KIF26B: variants seen among roughly 807,000 people sequenced by gnomAD.
The protein encoded by KIF26B is kinesin family member 26B.
In KIF26B, 63 loss-of-function variants were observed where a neutral mutation model predicts 151.2. That is an observed-to-expected ratio of 0.42 (90% confidence interval 0.34 to 0.51). The LOEUF is 0.51. Ranked by LOEUF, KIF26B falls within the 20% of genes least tolerant of loss-of-function variation. KIF26B has a pLI of 0.07. For synonymous variants in KIF26B, 1,357 were observed against 1,262.1 expected, an observed-to-expected ratio of 1.08 and a Z score of -1.59; for missense variants, 2,813 against 2,913.6, an observed-to-expected ratio of 0.97 and a Z score of 0.79.
At position 245,602,849 on chromosome 1, in the gene KIF26B, A is replaced by G; in HGVS notation, c.1557+66A>G. ...AAAGGGCAACGTTTACTCATTCACAAGGGCCCTTGAGCTGGGAGGGTGTCT... is the reference window on the plus strand; with the variant it reads ...AAAGGGCAACGTTTACTCATTCACAGGGGCCCTTGAGCTGGGAGGGTGTCT... On this transcript the variant is annotated intron_variant, in intron 6 of 14. Coordinates refer to ENST00000407071, the MANE Select transcript of KIF26B (RefSeq NM_018012.4). This position sits in a 1 kb window ranked among gnomAD's most constrained non-coding sequence, Gnocchi z 4.5. The G allele has an allele frequency of 6.9e-7, 1 of 1,456,284 alleles. No individual in the cohort carries two copies. Among genetic ancestry groups the G allele is most frequent in the Non-Finnish European group, 9.6e-7 (1 of 1,038,978 alleles). 90.2% of individuals were successfully genotyped at this position (1,456,284 alleles called of 1,614,324 possible). A position where few individuals can be genotyped will look rare whatever the true frequency, so the allele number is the denominator to read the frequency against.
At chr1:245,200,056 A>T (rs527404213) in intron 2 of KIF26B, among the ~76,000 whole-genome samples, 5 of 152,324 alleles carry the variant, frequency 3.3e-5, no homozygotes, top group Non-Finnish European at 7.4e-5. Context: ...ATGGGATTTT[A>T]AAAAATTCAC....
In KIF26B at chr1:245,167,668, A is replaced by G. The variant is rs1668636082; in HGVS notation, c.465+10985A>G. On this transcript the variant is annotated intron_variant, in intron 2 of 14. Transcript: ENST00000407071. The surrounding 1 kb of genome is among the most constrained non-coding windows in gnomAD (Gnocchi z 4.2). ...ACTGGAAGCAGCCACCATTGTTTAA[A>G]AAAAAAAATCACCTGCCCAGTTCAG... Among the ~76,000 whole-genome samples, 2 of 152,168 alleles carry G rather than the reference A, an allele frequency of 1.3e-5. No individual in the cohort carries two copies. Among genetic ancestry groups the G allele is most frequent in the Admixed American group, 6.5e-5 (1 of 15,270 alleles).
At chr1:245,571,728 G>A (rs1031566844) in intron 5 of KIF26B, among the ~76,000 whole-genome samples, 1 of 152,136 alleles carries the variant, frequency 6.6e-6, no homozygotes, top group African/African-American at 2.4e-5. Context: ...CAAAGGTTTG[G>A]GTTTGGTCAG....
intron 2 of KIF26B, among the ~76,000 whole-genome samples, chr1:245,248,440 T>G (rs1670376885): frequency 6.6e-6 from 1 of 152,202 alleles, no homozygotes. Flanking sequence ...ATTTCCTGTA[T>G]GAAGATACAC....
At chr1:245,188,916 C>A (rs926913549) in intron 2 of KIF26B, among the ~76,000 whole-genome samples, 1 of 152,150 alleles carries the variant, frequency 6.6e-6, no homozygotes, top group Non-Finnish European at 1.5e-5. Flanking sequence ...CATGGATGAA[C>A]CTTGGAGACA....
In KIF26B at chr1:245,616,781, G is replaced by A. The variant is rs545800221; in HGVS notation, c.2098+4805G>A. ...ATTTTTTGGGTTAGGGATGCTCAGCGTGGACTAGTGATACTTCAGGGTAAT... is the reference window on the plus strand; with the variant it reads ...ATTTTTTGGGTTAGGGATGCTCAGCATGGACTAGTGATACTTCAGGGTAAT... On this transcript the variant is annotated intron_variant, in intron 9 of 14. Coordinates refer to ENST00000407071, the MANE Select transcript of KIF26B (RefSeq NM_018012.4). Among the ~76,000 whole-genome samples the A allele has an allele frequency of 2.0e-5, 3 of 152,276 alleles. No homozygotes were observed. The South Asian group carries it at 6.2e-4, about 32-fold the overall frequency.
chr1:245,647,269 C>CA (rs1430475090), intron 10 of KIF26B, among the ~76,000 whole-genome samples: 3 of 151,438 alleles, frequency 2.0e-5, no homozygotes, highest in East Asian at 1.9e-4. Flanking sequence ...ACTAAAAATA[C>CA]AAAAAATTAG....
chr1:245,582,117 C>T (rs1357162432), intron 5 of KIF26B, among the ~76,000 whole-genome samples: 1 of 152,174 alleles, frequency 6.6e-6, no homozygotes, highest in Non-Finnish European at 1.5e-5. Context: ...TTGGAAGTCC[C>T]ATCCGTCAGA....
intron 3 of KIF26B, among the ~76,000 whole-genome samples, chr1:245,393,039 C>G (rs1673738816): frequency 6.6e-6 from 1 of 152,054 alleles, no homozygotes; most frequent in African/African-American, 2.4e-5. Flanking sequence ...GGCGTGATGG[C>G]AGATGCCTGT....
chr1:245,381,119 G>A (rs949515592), intron 3 of KIF26B, among the ~76,000 whole-genome samples: 8 of 152,046 alleles, frequency 5.3e-5, no homozygotes, highest in African/African-American at 1.9e-4. Flanking sequence ...TGTCAGTAGC[G>A]TGGTCTTTAA....
Position 245,686,922 on chromosome 1 carries a change from T to C in KIF26B, c.3939T>C (p.Pro1313=). The C allele has an allele frequency of 6.2e-7, 1 of 1,613,232 alleles. No homozygotes were observed. The highest frequency in any genetic ancestry group is 8.5e-7 in the Non-Finnish European group (1 of 1,179,712). The change falls in exon 12 of 15, where the codon CCT becomes CCC. Residue 1313 remains proline (P), a synonymous_variant. Coordinates refer to ENST00000407071, the MANE Select transcript of KIF26B (RefSeq NM_018012.4). The surrounding 1 kb of genome is among the most constrained non-coding windows in gnomAD (Gnocchi z 5.6). ...GGCACGGGGAGGCAATGGCAGAACC[T>C]GTGGCCTCGGAGTTTGTCAGCAGCC... ...CFGHGEAMAE[P]VASEFVSSLQ... is the part of the protein sequence containing the mutation.
At chr1:245,489,348 A>T (rs1172785808) in intron 4 of KIF26B, among the ~76,000 whole-genome samples, 1 of 152,226 alleles carries the variant, frequency 6.6e-6, no homozygotes. Flanking sequence ...TTCTGATGCT[A>T]ATGTAGGAAC....
At chr1:245,178,650 T>C (rs2103526213) in intron 2 of KIF26B, among the ~76,000 whole-genome samples, 1 of 152,358 alleles carries the variant, frequency 6.6e-6, no homozygotes, top group Non-Finnish European at 1.5e-5. Context: ...TAATAATCAC[T>C]TTGGTGCTGT....
chr1:245,582,274 C>T (rs187176187), intron 5 of KIF26B, among the ~76,000 whole-genome samples: 9 of 152,306 alleles, frequency 5.9e-5, no homozygotes, highest in African/African-American at 1.9e-4. Context: ...ATAAACCACA[C>T]AGTAAAGATC....
chr1:245,407,806 A>T (rs963145596), intron 3 of KIF26B, among the ~76,000 whole-genome samples: 1 of 152,208 alleles, frequency 6.6e-6, no homozygotes. Context: ...AGGAGAACAG[A>T]CACAGTCCCT....
chr1:245,330,801 G>GGGGGGAGAGTT (rs1672092223), intron 2 of KIF26B, among the ~76,000 whole-genome samples: 2 of 81,212 alleles, frequency 2.5e-5, no homozygotes, highest in African/African-American at 8.7e-5. Context: ...GCGGGGTAAT[G>GGGGGGAGAGTT]GGGGGAGAGT....
chr1:245,575,485 T>C (rs79373706), intron 5 of KIF26B, among the ~76,000 whole-genome samples: 2 of 149,538 alleles, frequency 1.3e-5, no homozygotes, highest in Middle Eastern at 6.8e-3. Flanking sequence ...AAAAAAAAAA[T>C]GTAGAAAAAT....
chr1:245,314,278 T>A (rs1162691690), intron 2 of KIF26B, among the ~76,000 whole-genome samples: 1 of 151,818 alleles, frequency 6.6e-6, no homozygotes, highest in Non-Finnish European at 1.5e-5. Flanking sequence ...TGAAACCCCA[T>A]CTCTACTAAA....
At chr1:245,644,215 T>G (rs953019468) in intron 9 of KIF26B, among the ~76,000 whole-genome samples, 1 of 152,198 alleles carries the variant, frequency 6.6e-6, no homozygotes, top group Non-Finnish European at 1.5e-5. Flanking sequence ...CTGAATAGTT[T>G]TATTGCTAGA....
Sources: allele counts gnomAD v4.1 joint callset (sites outside exome capture counted in the v4.1 genomes callset), GRCh38; gene constraint gnomAD v4.1.1; non-coding constraint Gnocchi (gnomAD v3.1); transcripts MANE v1.5; gene names NCBI Gene and HGNC (gene_info 2026-07-23, HGNC 2026-07-21).